Variants in GRID2 observed in about 807,000 individuals in gnomAD.
GRID2 encodes glutamate ionotropic receptor delta type subunit 2.
Under a neutral mutation model 114.8 loss-of-function variants are expected in GRID2, and 33 were observed. The observed-to-expected ratio is 0.29, with a 90% CI of 0.22 to 0.38. The LOEUF (loss-of-function observed/expected upper bound fraction) is 0.38, where lower values mean the gene tolerates loss of function less well. Among genes scored for constraint, GRID2 ranks in the 10% least tolerant of loss-of-function variants. The probability of loss-of-function intolerance (pLI) is 1.00; values close to 1 mark genes in which losing one functional copy is unlikely to be tolerated. For missense variants in GRID2, 1,184 were observed against 1,257.7 expected (o/e 0.94, Z 0.89); for synonymous variants, 505 against 449.9 (o/e 1.12, Z -1.55).
At chr4:93,286,563 C>G (rs1753171462) in intron 8 of GRID2, among the ~76,000 whole-genome samples, 1 of 152,038 alleles carries the variant, frequency 6.6e-6, no homozygotes, top group Admixed American at 6.6e-5. Context: ...CACTCACCAA[C>G]AAACACTAAT....
chr4:93,273,498 A>T (rs1258290236), intron 8 of GRID2, among the ~76,000 whole-genome samples: 1 of 151,932 alleles, frequency 6.6e-6, no homozygotes, highest in Non-Finnish European at 1.5e-5. Flanking sequence ...CAATCCTCCA[A>T]ACCTATGCAT....
intron 2 of GRID2, among the ~76,000 whole-genome samples, chr4:93,007,902 A>T (rs974653854): frequency 2.6e-5 from 4 of 151,702 alleles, no homozygotes; most frequent in Non-Finnish European, 4.4e-5. Context: ...TTAGCTGGCC[A>T]TCATGGTGGG....
chr4:93,394,192 A>G (rs573394145), intron 8 of GRID2, among the ~76,000 whole-genome samples: 2 of 152,128 alleles, frequency 1.3e-5, no homozygotes, highest in South Asian at 2.1e-4. Context: ...GAGGACCACA[A>G]TGTCTTTGAT....
intron 4 of GRID2, among the ~76,000 whole-genome samples, chr4:93,131,284 G>T (rs377630601): frequency 1.3e-5 from 2 of 149,558 alleles, no homozygotes; most frequent in South Asian, 2.1e-4. Flanking sequence ...CTTCTGAGTT[G>T]CTGGGACTAC....
At chr4:92,742,586 T>C (rs1736946451) in intron 2 of GRID2, among the ~76,000 whole-genome samples, 1 of 152,206 alleles carries the variant, frequency 6.6e-6, no homozygotes. Flanking sequence ...TGCATACATC[T>C]CTGTCTGTGT....
At chr4:92,471,377 T>C (rs143885326) in intron 1 of GRID2, among the ~76,000 whole-genome samples, 28 of 152,184 alleles carry the variant, frequency 1.8e-4, no homozygotes, top group Admixed American at 6.5e-4. Context: ...CATTTTATAA[T>C]TGAGGAAGTT....
At chr4:92,764,077 A>G (rs1350907923) in intron 2 of GRID2, among the ~76,000 whole-genome samples, 3 of 152,156 alleles carry the variant, frequency 2.0e-5, no homozygotes, top group Non-Finnish European at 4.4e-5. Flanking sequence ...TCTCCACCTC[A>G]TGGTCTAAGA....
intron 1 of GRID2, among the ~76,000 whole-genome samples, chr4:92,404,877 T>C (rs1003077919): frequency 5.3e-5 from 8 of 151,982 alleles, no homozygotes; most frequent in Admixed American, 2.0e-4. Flanking sequence ...CTGGGGCCTG[T>C]TGGGCTGGTG....
chr4:92,892,069 T>C (rs1746828597), intron 2 of GRID2, among the ~76,000 whole-genome samples: 1 of 152,094 alleles, frequency 6.6e-6, no homozygotes, highest in South Asian at 2.1e-4. Context: ...TTTTTGTTTT[T>C]GTTTTTGTTT....
intron 8 of GRID2, among the ~76,000 whole-genome samples, chr4:93,304,182 G>A (rs146700125): frequency 0.026 from 3,851 of 146,808 alleles, 112 homozygotes; most frequent in Admixed American, 0.074. Flanking sequence ...CTTTATTTTC[G>A]TAAAATCTGA....
At position 93,326,433 on chromosome 4, in the gene GRID2, C is replaced by A. The variant is rs545837384; in HGVS notation, c.1246-69174C>A. 1.7e-3 allele frequency among the ~76,000 whole-genome samples: 265 copies of A among 152,176 alleles called. 2 individuals carry two copies. Among genetic ancestry groups the A allele is most frequent in the African/African-American group, 5.9e-3 (246 of 41,526 alleles). On this transcript the variant is annotated intron_variant, in intron 8 of 15. Coordinates refer to ENST00000282020, the MANE Select transcript of GRID2 (RefSeq NM_001510.4). Reference sequence around the variant, plus strand: ...CACAGGAAGAGTGCTTCATTTCTGCCTTCTATACCTGGTATAAATTGACAC... The same window carrying A: ...CACAGGAAGAGTGCTTCATTTCTGCATTCTATACCTGGTATAAATTGACAC...
At chr4:92,739,078 C>T (rs538973060) in intron 2 of GRID2, among the ~76,000 whole-genome samples, 19 of 152,236 alleles carry the variant, frequency 1.2e-4, no homozygotes, top group Non-Finnish European at 2.4e-4. Context: ...ATACTCACTC[C>T]TATCTAGCTG....
intron 8 of GRID2, among the ~76,000 whole-genome samples, chr4:93,241,571 C>T (rs192786303): frequency 9.1e-4 from 138 of 151,826 alleles, no homozygotes; most frequent in African/African-American, 3.2e-3. Flanking sequence ...TTTGCTACCA[C>T]CTTGCATAAG....
intron 2 of GRID2, among the ~76,000 whole-genome samples, chr4:92,751,783 A>G (rs1423588525): frequency 2.0e-4 from 31 of 152,212 alleles, no homozygotes; most frequent in Non-Finnish European, 2.9e-4. Context: ...TAACTAAGCA[A>G]TCTAAAGCTA....
chr4:92,524,407 C>CTTTTTTTTTTTTTTTTTT (rs869060153), intron 1 of GRID2, among the ~76,000 whole-genome samples: 4 of 106,562 alleles, frequency 3.8e-5, no homozygotes, highest in African/African-American at 7.9e-5. Context: ...ATTTCCTTGT[C>CTTTTTTTTTTTTTTTTTT]TTTTTTTTTT....
chr4:92,356,317 A>T (rs1222418314), intron 1 of GRID2, among the ~76,000 whole-genome samples: 1 of 151,420 alleles, frequency 6.6e-6, no homozygotes, highest in Non-Finnish European at 1.5e-5. Flanking sequence ...CTTATGTTAG[A>T]GTTCACTATT....
intron 2 of GRID2, among the ~76,000 whole-genome samples, chr4:92,824,488 A>C (rs1741547441): frequency 6.6e-6 from 1 of 152,060 alleles, no homozygotes; most frequent in Non-Finnish European, 1.5e-5. Flanking sequence ...TTATATTCTC[A>C]AAAGAATAAA....
At chr4:92,677,427 A>G (rs1385674014) in intron 2 of GRID2, among the ~76,000 whole-genome samples, 1 of 152,196 alleles carries the variant, frequency 6.6e-6, no homozygotes, top group Non-Finnish European at 1.5e-5. Context: ...TAAATTTAAT[A>G]ACTCTTAGGT....
chr4:93,588,492 C>T (rs911660292), intron 13 of GRID2, among the ~76,000 whole-genome samples: 1 of 152,104 alleles, frequency 6.6e-6, no homozygotes, highest in Admixed American at 6.5e-5. Context: ...TTATTATTTA[C>T]ATCCTTTTAC....
Sources: allele counts gnomAD v4.1 joint callset (sites outside exome capture counted in the v4.1 genomes callset), GRCh38; gene constraint gnomAD v4.1.1; transcripts MANE v1.5; gene names NCBI Gene and HGNC (gene_info 2026-07-23, HGNC 2026-07-21).